The following TOP1MT variants were observed in gnomAD, a reference collection of about 807,000 sequenced individuals.
The protein encoded by TOP1MT is DNA topoisomerase I, mitochondrial.
TOP1MT carries 80 observed loss-of-function variants against 73.9 expected under a neutral mutation model. The observed-to-expected ratio is 1.08, with a 90% CI of 0.90 to 1.30. The LOEUF (loss-of-function observed/expected upper bound fraction) is 1.30, where lower values mean the gene tolerates loss of function less well. TOP1MT is among the 50% of genes most tolerant of loss of function. TOP1MT has a pLI of 0.00. For synonymous variants in TOP1MT, 338 were observed against 326.4 expected (o/e 1.04, Z -0.38); for missense variants, 815 against 808.0 (o/e 1.01, Z -0.10).
intron 10 of TOP1MT, among the ~76,000 whole-genome samples, chr8:143,316,413 G>A (rs1453353117): frequency 6.6e-6 from 1 of 152,160 alleles, no homozygotes; most frequent in Non-Finnish European, 1.5e-5. Context: ...CAGCCGCCTG[G>A]ACGGGCGAGT....
chr8:143,315,557 G>A (rs1300426655), intron 12 of TOP1MT, among the ~76,000 whole-genome samples, 170 bp downstream of exon 12: 2 of 152,116 alleles, frequency 1.3e-5, no homozygotes, highest in African/African-American at 4.8e-5. Flanking sequence ...GTGGTCCCCC[G>A]GGCCCAGCTG....
At chr8:143,355,075 T>C (rs1222863439) in intron 1 of TOP1MT, among the ~76,000 whole-genome samples, 2 of 152,170 alleles carry the variant, frequency 1.3e-5, no homozygotes, top group African/African-American at 4.8e-5. Context: ...CCTGCCTACT[T>C]AGAATTACAT....
At chr8:143,342,745 CTGT>C in intron 2 of TOP1MT, among the ~76,000 whole-genome samples, 5 of 122,032 alleles carry the variant, frequency 4.1e-5, no homozygotes, top group Non-Finnish European at 7.1e-5. Flanking sequence ...GAGTCTCGCT[CTGT>C]TATTATTATT....
chr8:143,341,523 A>G lies in TOP1MT; in HGVS notation c.29+1697T>C, dbSNP rs1012134076. 2.6e-5 allele frequency among the ~76,000 whole-genome samples: 4 copies of G among 152,240 alleles called. No homozygotes were observed. The highest frequency in any genetic ancestry group is 6.5e-5 in the Admixed American group (1 of 15,290). ...CCCGGAGACCCCAGAGGAGGAGGGA[A>G]GGTTCACCTTCCCCACCCCAGCAAT... is the stretch of plus-strand genomic sequence containing the variant. On this transcript the variant is annotated intron_variant, in intron 2 of 5. Transcript: ENST00000518007. The surrounding 1 kb of genome is among the most constrained non-coding windows in gnomAD (Gnocchi z 4.1).
intron 7 of TOP1MT, among the ~76,000 whole-genome samples, chr8:143,322,643 C>CAACA (rs1554620366): frequency 1.8e-5 from 1 of 54,970 alleles, no homozygotes; most frequent in African/African-American, 9.9e-5. Flanking sequence ...CACACACACG[C>CAACA]CACACGCACA....
intron 7 of TOP1MT, among the ~76,000 whole-genome samples, chr8:143,323,645 C>T (rs200444938): frequency 2.1e-5 from 2 of 96,086 alleles, no homozygotes; most frequent in Non-Finnish European, 4.7e-5. Flanking sequence ...GCCACACGCA[C>T]GCCACACACA....
chr8:143,359,243 G>T (rs1446808660), upstream of TOP1MT: 2 of 959,874 alleles, frequency 2.1e-6, no homozygotes, highest in African/African-American at 3.6e-5. Flanking sequence ...CAGACCAAAA[G>T]AAAAAAAAAC....
At chr8:143,326,156 T>C in intron 4 of TOP1MT, 66 bp downstream of exon 4, 1 of 1,590,678 alleles carries the variant, frequency 6.3e-7, no homozygotes, top group Non-Finnish European at 8.6e-7. Flanking sequence ...TCTCAGTCTT[T>C]GGGCCAGGCC....
At chr8:143,317,399 C>A (rs1267317384) in intron 10 of TOP1MT, among the ~76,000 whole-genome samples, 2 of 152,200 alleles carry the variant, frequency 1.3e-5, no homozygotes, top group Non-Finnish European at 2.9e-5. Context: ...AGTGCAGAGG[C>A]CTCCTGGGCC....
At chr8:143,319,725 C>A (rs1402785353) in intron 8 of TOP1MT, among the ~76,000 whole-genome samples, 2 of 152,110 alleles carry the variant, frequency 1.3e-5, no homozygotes, top group Non-Finnish European at 2.9e-5. Context: ...CCACTAGTCC[C>A]TGCAGCAGAG....
At chr8:143,339,902 C>T (rs547865648) in intron 2 of TOP1MT, among the ~76,000 whole-genome samples, 1 of 116,532 alleles carries the variant, frequency 8.6e-6, no homozygotes, top group South Asian at 3.1e-4. Context: ...CACAGCATTC[C>T]CCCCGTCCCA....
chr8:143,358,753 GACAC>G (rs1817454104), upstream of TOP1MT: 3 of 152,146 alleles, frequency 2.0e-5, no homozygotes, highest in Non-Finnish European at 4.4e-5. Context: ...AGGCAGCAGG[GACAC>G]TGCTGCACCT....
At chr8:143,348,399 G>A (rs979572850), upstream of TOP1MT, among the ~76,000 whole-genome samples, 3 of 152,084 alleles carry the variant, frequency 2.0e-5, no homozygotes, top group African/African-American at 4.8e-5. This position sits in a 1 kb window ranked among gnomAD's most constrained non-coding sequence, Gnocchi z 4.6. Flanking sequence ...CCGCAGCTAC[G>A]GCTCAAGACT....
chr8:143,349,781 C>G (rs1283017949), upstream of TOP1MT, among the ~76,000 whole-genome samples: 1 of 152,070 alleles, frequency 6.6e-6, no homozygotes, highest in Non-Finnish European at 1.5e-5. Flanking sequence ...GCTGGAACTA[C>G]AGGCACTCAC....
intron 8 of TOP1MT, among the ~76,000 whole-genome samples, chr8:143,320,759 G>A (rs906540910): frequency 2.0e-5 from 3 of 152,186 alleles, no homozygotes; most frequent in African/African-American, 7.2e-5. Flanking sequence ...CCAAGGACAC[G>A]CAGGATCCGT....
chr8:143,347,976 A>G (rs1029519647), upstream of TOP1MT, among the ~76,000 whole-genome samples: 43 of 152,262 alleles, frequency 2.8e-4, no homozygotes, highest in African/African-American at 1.0e-3. Context: ...GCTGCCATGG[A>G]GGGTGCCCAG....
intron 1 of TOP1MT, chr8:143,331,921 C>G (rs1816867174): frequency 6.3e-6 from 1 of 159,078 alleles, no homozygotes; most frequent in Admixed American, 6.1e-5. Flanking sequence ...AGGGGAGGCC[C>G]TGAAGCCAGA....
intron 2 of TOP1MT, among the ~76,000 whole-genome samples, chr8:143,342,576 GTTATTA>G (rs970165088): frequency 1.1e-5 from 1 of 94,342 alleles, no homozygotes; most frequent in African/African-American, 6.3e-5. Flanking sequence ...GTCTCGCTCT[GTTATTA>G]TTATTATTAG....
At chr8:143,309,749 G>A (rs746852500) in intron 13 of TOP1MT, 1 of 1,533,576 alleles carries the variant, frequency 6.5e-7, no homozygotes, top group Admixed American at 2.0e-5. Context: ...ACAACCTGCT[G>A]TGGCCTAGGT....
Sources: gnomAD v4.1 joint callset for allele counts (sites outside exome capture counted in the v4.1 genomes callset) on GRCh38, gnomAD v4.1.1 for gene constraint, Gnocchi (gnomAD v3.1) non-coding constraint, MANE v1.5 for transcripts, NCBI Gene and HGNC (gene_info 2026-07-23, HGNC 2026-07-21) for gene names.